Variants in IMMP1L observed in about 807,000 individuals in gnomAD.
The protein encoded by IMMP1L is inner mitochondrial membrane peptidase subunit 1, also known as mitochondrial inner membrane protease subunit 1.
Under a neutral mutation model 21.8 loss-of-function variants are expected in IMMP1L, and 24 were observed. The ratio of observed to expected loss-of-function variants is 1.10; its 90% CI spans 0.80 to 1.55. The LOEUF (loss-of-function observed/expected upper bound fraction) is 1.55, where lower values mean the gene tolerates loss of function less well. Ranked by LOEUF, IMMP1L falls within the 40% of genes most tolerant of loss-of-function variation. The probability of loss-of-function intolerance (pLI) is 0.00; values close to 1 mark genes in which losing one functional copy is unlikely to be tolerated. For synonymous variants in IMMP1L, 46 were observed against 62.8 expected (o/e 0.73, Z 1.26); for missense variants, 195 against 200.7 (o/e 0.97, Z 0.17).
intron 2 of IMMP1L, among the ~76,000 whole-genome samples, chr11:31,462,006 T>C (rs572426383): frequency 2.6e-5 from 4 of 152,150 alleles, no homozygotes; most frequent in Admixed American, 2.0e-4. Flanking sequence ...CAATCTAACT[T>C]ACAAAAAAAT....
intron 1 of IMMP1L, among the ~76,000 whole-genome samples, chr11:31,499,616 T>A (rs1445534010): frequency 6.6e-6 from 1 of 152,140 alleles, no homozygotes; most frequent in Non-Finnish European, 1.5e-5. Flanking sequence ...TTTGCATTTT[T>A]TAAAGGGCTG....
chr11:31,500,612 A>ACACACACACACACACAC (rs1491094510), intron 1 of IMMP1L, among the ~76,000 whole-genome samples: 2 of 145,100 alleles, frequency 1.4e-5, no homozygotes, highest in Non-Finnish European at 3.0e-5. Context: ...CACACACACA[A>ACACACACACACACACAC]ACACACACAC....
intron 1 of IMMP1L, among the ~76,000 whole-genome samples, chr11:31,501,681 T>C (rs1389983978): frequency 2.0e-5 from 3 of 152,116 alleles, no homozygotes; most frequent in South Asian, 4.1e-4. Flanking sequence ...TGGCCGAGCA[T>C]GGTGGCTCAT....
At chr11:31,504,776 A>C (rs901856681) in intron 1 of IMMP1L, among the ~76,000 whole-genome samples, 1 of 152,238 alleles carries the variant, frequency 6.6e-6, no homozygotes, top group African/African-American at 2.4e-5. Flanking sequence ...TAAGCAAAAG[A>C]AGTCAAACAT....
At chr11:31,447,725 T>A (rs1047904517) in intron 4 of IMMP1L, among the ~76,000 whole-genome samples, 3 of 152,202 alleles carry the variant, frequency 2.0e-5, no homozygotes, top group Non-Finnish European at 4.4e-5. Flanking sequence ...GGCAGTGCAA[T>A]AACTTGTAAT....
Position 31,451,653 on chromosome 11 carries a change from A to G in IMMP1L, c.321+4607T>C, listed in dbSNP as rs138084301. 5.9e-5 allele frequency among the ~76,000 whole-genome samples: 9 copies of G among 152,276 alleles called. No homozygotes were observed. In the East Asian group the frequency reaches 1.7e-3, roughly 29 times the overall value. On this transcript the variant is annotated intron_variant, in intron 4 of 5. Coordinates refer to ENST00000532287, the MANE Select transcript of IMMP1L (RefSeq NM_001304274.2). ...TGGATACAGTAAGTTTGAGATGACCATTATTCATTAAAGTGAAGATATTAG... is the reference window on the plus strand; with the variant it reads ...TGGATACAGTAAGTTTGAGATGACCGTTATTCATTAAAGTGAAGATATTAG...
chr11:31,457,078 T>C (rs1247372969), intron 3 of IMMP1L, among the ~76,000 whole-genome samples: 1 of 151,926 alleles, frequency 6.6e-6, no homozygotes, highest in African/African-American at 2.4e-5. Context: ...GCATCATCCA[T>C]GTTTCCCTAG....
chr11:31,505,793 T>A (rs1390938297), intron 1 of IMMP1L, among the ~76,000 whole-genome samples: 1 of 152,222 alleles, frequency 6.6e-6, no homozygotes, highest in Non-Finnish European at 1.5e-5. Flanking sequence ...AAGACCTGTA[T>A]AATGATCCAC....
At chr11:31,468,166 T>C (rs1237722635) in intron 1 of IMMP1L, among the ~76,000 whole-genome samples, 1 of 152,088 alleles carries the variant, frequency 6.6e-6, no homozygotes, top group African/African-American at 2.4e-5. Context: ...AAGAAAGCTA[T>C]AAAAGACATG....
intron 1 of IMMP1L, among the ~76,000 whole-genome samples, chr11:31,480,470 A>C (rs1954857869): frequency 6.6e-6 from 1 of 152,020 alleles, no homozygotes; most frequent in African/African-American, 2.4e-5. Context: ...ATACTATACA[A>C]CTAAAACAAA....
intron 1 of IMMP1L, among the ~76,000 whole-genome samples, chr11:31,506,321 C>G (rs569893889): frequency 6.6e-6 from 1 of 150,738 alleles, no homozygotes; most frequent in East Asian, 2.0e-4. Flanking sequence ...CTCTGCCTCC[C>G]GGGTTCACCC....
chr11:31,493,051 GTTC>G (rs1297202486), intron 1 of IMMP1L, among the ~76,000 whole-genome samples: 1 of 152,158 alleles, frequency 6.6e-6, no homozygotes, highest in Non-Finnish European at 1.5e-5. Flanking sequence ...AAAAAATGCA[GTTC>G]TTCAAAGCTC....
At chr11:31,496,574 A>T (rs1295975748) in intron 1 of IMMP1L, among the ~76,000 whole-genome samples, 1 of 152,012 alleles carries the variant, frequency 6.6e-6, no homozygotes, top group Non-Finnish European at 1.5e-5. Context: ...AAACAACCCA[A>T]GAGTCTATCA....
intron 4 of IMMP1L, among the ~76,000 whole-genome samples, chr11:31,444,646 A>G (rs1953454602): frequency 7.1e-6 from 1 of 140,578 alleles, no homozygotes; most frequent in Non-Finnish European, 1.5e-5. Flanking sequence ...CTGGAGTGCC[A>G]TGGCGCGATC....
intron 1 of IMMP1L, among the ~76,000 whole-genome samples, chr11:31,505,401 A>G (rs923386649): frequency 6.6e-6 from 1 of 152,224 alleles, no homozygotes. Context: ...ATGGAGATGA[A>G]TGCTTCCAAA....
intron 1 of IMMP1L, among the ~76,000 whole-genome samples, chr11:31,483,797 A>C (rs188702946): frequency 6.6e-6 from 1 of 152,088 alleles, no homozygotes; most frequent in East Asian, 1.9e-4. Context: ...TCATTTTTTC[A>C]ATGAAATTAA....
At chr11:31,500,380 A>T (rs1353585972) in intron 1 of IMMP1L, among the ~76,000 whole-genome samples, 1 of 152,144 alleles carries the variant, frequency 6.6e-6, no homozygotes, top group South Asian at 2.1e-4. Context: ...GGGAGGAAAA[A>T]AAATTCTATG....
chr11:31,491,991 G>A (rs1457152118), intron 1 of IMMP1L, among the ~76,000 whole-genome samples: 2 of 152,086 alleles, frequency 1.3e-5, no homozygotes, highest in Non-Finnish European at 2.9e-5. Flanking sequence ...AAGGGCCTTG[G>A]GATTTTCATA....
intron 4 of IMMP1L, among the ~76,000 whole-genome samples, chr11:31,438,347 T>G (rs1334133071): frequency 6.6e-6 from 1 of 152,202 alleles, no homozygotes; most frequent in Non-Finnish European, 1.5e-5. Context: ...TTTTGTGAAG[T>G]ATCCATTAAA....
Sources: gnomAD v4.1 joint callset for allele counts (sites outside exome capture counted in the v4.1 genomes callset) on GRCh38, gnomAD v4.1.1 for gene constraint, MANE v1.5 for transcripts, NCBI Gene and HGNC (gene_info 2026-07-23, HGNC 2026-07-21) for gene names.